The following CADPS variants were observed in gnomAD, a reference collection of about 807,000 sequenced individuals.
CADPS encodes the protein calcium-dependent secretion activator 1.
In CADPS, 57 loss-of-function variants were observed where a neutral mutation model predicts 167.3. The ratio of observed to expected loss-of-function variants is 0.34; its 90% CI spans 0.28 to 0.42. The LOEUF is 0.42. Among genes scored for constraint, CADPS ranks in the 20% least tolerant of loss-of-function variants. The pLI, the probability that CADPS is intolerant of heterozygous loss-of-function variation, is 1.00. For missense variants in CADPS, 1,414 were observed against 1,738.1 expected (o/e 0.81, Z 3.32); for synonymous variants, 676 against 635.3 (o/e 1.06, Z -0.96).
intron 4 of CADPS, among the ~76,000 whole-genome samples, chr3:62,659,614 G>C (rs898795930): frequency 6.6e-6 from 1 of 152,146 alleles, no homozygotes; most frequent in Non-Finnish European, 1.5e-5. Flanking sequence ...ATTGCTACAG[G>C]TATCTTTCTA....
chr3:62,555,809 T>C (rs2078047943), intron 10 of CADPS, among the ~76,000 whole-genome samples: 3 of 152,182 alleles, frequency 2.0e-5, no homozygotes, highest in Admixed American at 6.5e-5. Context: ...AGTGCAATCA[T>C]AGCTTATTGC....
intron 4 of CADPS, 46 bp downstream of exon 4, chr3:62,662,268 G>A (rs757093833): frequency 6.8e-7 from 1 of 1,473,594 alleles, no homozygotes; most frequent in African/African-American, 1.4e-5. Flanking sequence ...CTTCCTGAGT[G>A]GGACTTTGGC....
intron 13 of CADPS, chr3:62,530,654 C>G (rs74790417): frequency 1.6e-6 from 2 of 1,286,404 alleles, no homozygotes; most frequent in Middle Eastern, 2.1e-4. Flanking sequence ...AACTTCTTAC[C>G]TTTTCAGCTC....
At chr3:62,809,665 G>C (rs1425063459) in intron 1 of CADPS, among the ~76,000 whole-genome samples, 1 of 152,072 alleles carries the variant, frequency 6.6e-6, no homozygotes, top group African/African-American at 2.4e-5. Flanking sequence ...TTAATTACTT[G>C]AACAGTCTTC....
chr3:62,810,819 A>G (rs1235910263), intron 1 of CADPS, among the ~76,000 whole-genome samples: 4 of 152,190 alleles, frequency 2.6e-5, no homozygotes, highest in African/African-American at 9.6e-5. Flanking sequence ...GCTGCCCATT[A>G]GGGCGATTGT....
intron 3 of CADPS, among the ~76,000 whole-genome samples, chr3:62,733,182 C>G (rs1265122919): frequency 6.6e-6 from 1 of 151,832 alleles, no homozygotes; most frequent in Non-Finnish European, 1.5e-5. Context: ...CGTTTGATCA[C>G]AGTTGGGGTC....
At chr3:62,483,856 T>G (rs1391042619) in intron 21 of CADPS, among the ~76,000 whole-genome samples, 1 of 152,146 alleles carries the variant, frequency 6.6e-6, no homozygotes, top group Non-Finnish European at 1.5e-5. Context: ...CATTAAATGA[T>G]ACACACACTG....
chr3:62,519,033 T>C (rs2069737220), intron 13 of CADPS, among the ~76,000 whole-genome samples: 1 of 152,190 alleles, frequency 6.6e-6, no homozygotes, highest in Admixed American at 6.5e-5. Flanking sequence ...GGTGCATACA[T>C]ATATACTCTA....
chr3:62,719,906 T>C (rs2075406264), intron 3 of CADPS, among the ~76,000 whole-genome samples: 1 of 152,188 alleles, frequency 6.6e-6, no homozygotes, highest in African/African-American at 2.4e-5. Flanking sequence ...TCTGTGTCCC[T>C]TTTAGGCTGA....
chr3:62,624,325 T>C (rs1260050821), intron 6 of CADPS, among the ~76,000 whole-genome samples: 2 of 152,146 alleles, frequency 1.3e-5, no homozygotes, highest in Admixed American at 6.5e-5. Flanking sequence ...TCTCTTCTCC[T>C]CATTCCCATC....
chr3:62,700,183 A>T (rs968091146), intron 3 of CADPS, among the ~76,000 whole-genome samples: 1 of 152,114 alleles, frequency 6.6e-6, no homozygotes, highest in African/African-American at 2.4e-5. Flanking sequence ...TATATCTTAC[A>T]TCTGTAGTGG....
chr3:62,564,365 T>TGG (rs1399462971), intron 9 of CADPS, among the ~76,000 whole-genome samples: 2 of 152,186 alleles, frequency 1.3e-5, no homozygotes, highest in African/African-American at 2.4e-5. Flanking sequence ...TTATCCACTC[T>TGG]GAGCCTTAGT....
intron 1 of CADPS, among the ~76,000 whole-genome samples, chr3:62,804,910 G>A: frequency 6.6e-6 from 1 of 152,114 alleles, no homozygotes; most frequent in South Asian, 2.1e-4. Context: ...TTTACTGAGA[G>A]TGAACAAAGT....
At chr3:62,641,477 C>T (rs867745330) in intron 6 of CADPS, among the ~76,000 whole-genome samples, 6 of 152,168 alleles carry the variant, frequency 3.9e-5, no homozygotes, top group African/African-American at 1.4e-4. Flanking sequence ...CAGCCCTCTG[C>T]TCTATTTCAA....
chr3:62,572,748 C>T (rs2081520956), intron 8 of CADPS, among the ~76,000 whole-genome samples: 1 of 152,176 alleles, frequency 6.6e-6, no homozygotes, highest in African/African-American at 2.4e-5. Context: ...AATGATTACA[C>T]TTGTCCCTCA....
rs574875588 is a variant in CADPS, at chr3:62,803,574, T to C, written c.442-37590A>G. The stretch of plus-strand genomic sequence containing the variant: ...AGTGGGGAGATGAGAAACCCTGATA[T>C]ATAACTATATGATCCTGGGTTCCTT... On this transcript the variant is annotated intron_variant, in intron 1 of 29. Transcript: ENST00000383710. Among the ~76,000 whole-genome samples, 5 of 152,194 alleles carry C rather than the reference T, an allele frequency of 3.3e-5. No individual in the cohort carries two copies. In the South Asian group the frequency reaches 1.0e-3, roughly 32 times the overall value.
chr3:62,516,517 T>A (rs918806541), intron 15 of CADPS, 63 bp downstream of exon 15: 10 of 1,281,622 alleles, frequency 7.8e-6, no homozygotes, highest in Non-Finnish European at 9.9e-6. Flanking sequence ...CCAAAACATT[T>A]CATTACAATT....
At chr3:62,845,226 G>A (rs999364864) in intron 1 of CADPS, among the ~76,000 whole-genome samples, 1 of 152,174 alleles carries the variant, frequency 6.6e-6, no homozygotes, top group African/African-American at 2.4e-5. Context: ...GAGAGAACAA[G>A]AACTTGGCTT....
At chr3:62,669,210 T>C (rs949746700) in intron 3 of CADPS, among the ~76,000 whole-genome samples, 1 of 152,140 alleles carries the variant, frequency 6.6e-6, no homozygotes, top group Non-Finnish European at 1.5e-5. Flanking sequence ...GAGATTAGTG[T>C]CTGAGATGGA....
Sources: gnomAD v4.1 joint callset for allele counts (sites outside exome capture counted in the v4.1 genomes callset) on GRCh38, gnomAD v4.1.1 for gene constraint, MANE v1.5 for transcripts, NCBI Gene and HGNC (gene_info 2026-07-23, HGNC 2026-07-21) for gene names.